Variants in RSRC1 observed in about 807,000 individuals in gnomAD.
RSRC1 encodes serine/Arginine-related protein 53.
A neutral mutation model predicts 49.1 loss-of-function variants in RSRC1; 39 were observed. The observed-to-expected ratio is 0.79, with a 90% CI of 0.61 to 1.04. The LOEUF is 1.04. Ranked by LOEUF, RSRC1 falls within the 50% of genes least tolerant of loss-of-function variation. The pLI is 0.00. For synonymous variants in RSRC1, 143 were observed against 130.8 expected, an observed-to-expected ratio of 1.09 and a Z score of -0.63; for missense variants, 388 against 402.4, an observed-to-expected ratio of 0.96 and a Z score of 0.31.
intron 4 of RSRC1, among the ~76,000 whole-genome samples, chr3:158,203,656 GAAAAGTAT>G (rs1457948455): frequency 1.3e-5 from 2 of 152,118 alleles, no homozygotes; most frequent in Non-Finnish European, 2.9e-5. Context: ...GCTGTTAGCG[GAAAAGTAT>G]AAAGTTGAAA....
intron 4 of RSRC1, among the ~76,000 whole-genome samples, chr3:158,244,771 G>C (rs1160659368): frequency 6.6e-6 from 1 of 152,094 alleles, no homozygotes; most frequent in Admixed American, 6.5e-5. Flanking sequence ...TTTTTGGAGT[G>C]GTAGGCTTTT....
chr3:158,534,068 TG>T (rs1301730998), intron 7 of RSRC1, among the ~76,000 whole-genome samples: 3 of 151,628 alleles, frequency 2.0e-5, no homozygotes, highest in African/African-American at 7.2e-5. Flanking sequence ...CTTCCAAAGG[TG>T]GGAGTATTGG....
chr3:158,522,514 G>T (rs1315867198), intron 7 of RSRC1, among the ~76,000 whole-genome samples: 1 of 152,110 alleles, frequency 6.6e-6, no homozygotes, highest in Admixed American at 6.6e-5. Context: ...TTTAGGGCTT[G>T]TCTTGATTAA....
intron 5 of RSRC1, among the ~76,000 whole-genome samples, chr3:158,354,000 T>TC (rs1198459337): frequency 3.6e-5 from 5 of 140,094 alleles, no homozygotes; most frequent in African/African-American, 5.3e-5. Flanking sequence ...TTTTTCTTTT[T>TC]TTTTTTTTTT....
intron 6 of RSRC1, among the ~76,000 whole-genome samples, chr3:158,385,683 A>C (rs1350870023): frequency 6.6e-6 from 1 of 152,132 alleles, no homozygotes; most frequent in Non-Finnish European, 1.5e-5. Context: ...TCATTTGCTC[A>C]TGTTTTCTTT....
chr3:158,486,284 G>T (rs187157995), intron 7 of RSRC1, among the ~76,000 whole-genome samples: 1 of 152,204 alleles, frequency 6.6e-6, no homozygotes, highest in East Asian at 1.9e-4. Flanking sequence ...ACAGTTAATG[G>T]TTGTTCAAAG....
intron 5 of RSRC1, among the ~76,000 whole-genome samples, chr3:158,317,254 G>A: frequency 6.6e-6 from 1 of 152,066 alleles, no homozygotes; most frequent in South Asian, 2.1e-4. Context: ...TTTGAGACAG[G>A]GTCTTACTCT....
chr3:158,234,371 T>C (rs921357660), intron 4 of RSRC1, among the ~76,000 whole-genome samples: 1 of 152,176 alleles, frequency 6.6e-6, no homozygotes, highest in African/African-American at 2.4e-5. Flanking sequence ...GCAATGATTA[T>C]GTAAATTTTG....
chr3:158,156,733 G>A (rs139446883), intron 3 of RSRC1, among the ~76,000 whole-genome samples: 48 of 152,300 alleles, frequency 3.2e-4, no homozygotes, highest in African/African-American at 1.1e-3. Context: ...GGTTGGGGGA[G>A]CACTCAGAAC....
chr3:158,179,068 G>A (rs927946887), intron 3 of RSRC1, among the ~76,000 whole-genome samples: 37 of 152,082 alleles, frequency 2.4e-4, no homozygotes, highest in Admixed American at 6.6e-4. Context: ...TTTTCTAAGT[G>A]TACTATCTGC....
intron 7 of RSRC1, among the ~76,000 whole-genome samples, chr3:158,536,858 A>G (rs568594515): frequency 6.6e-6 from 1 of 151,716 alleles, no homozygotes; most frequent in East Asian, 1.9e-4. Context: ...CCACCAGATT[A>G]GCTGAGATCA....
At chr3:158,263,277 A>G (rs1207230264) in intron 4 of RSRC1, among the ~76,000 whole-genome samples, 1 of 152,136 alleles carries the variant, frequency 6.6e-6, no homozygotes, top group Non-Finnish European at 1.5e-5. Flanking sequence ...TGACTACTGA[A>G]ACGATTATAC....
At chr3:158,213,965 G>A (rs983733795) in intron 4 of RSRC1, among the ~76,000 whole-genome samples, 1 of 151,766 alleles carries the variant, frequency 6.6e-6, no homozygotes, top group Admixed American at 6.6e-5. Flanking sequence ...ATACCCGCAG[G>A]TTCCACATCC....
intron 6 of RSRC1, among the ~76,000 whole-genome samples, chr3:158,408,348 T>G (rs1239144864): frequency 6.6e-6 from 1 of 152,200 alleles, no homozygotes; most frequent in Non-Finnish European, 1.5e-5. Flanking sequence ...ACTGCTAAAT[T>G]TAGTCAACAC....
intron 4 of RSRC1, among the ~76,000 whole-genome samples, chr3:158,271,794 A>C (rs1328016168): frequency 6.6e-6 from 1 of 152,146 alleles, no homozygotes; most frequent in Non-Finnish European, 1.5e-5. Flanking sequence ...TGTACAAGTC[A>C]TTATGAACAC....
At chr3:158,142,728 G>A (rs1449170193) in intron 3 of RSRC1, among the ~76,000 whole-genome samples, 1 of 152,050 alleles carries the variant, frequency 6.6e-6, no homozygotes, top group African/African-American at 2.4e-5. Context: ...TGCCGTTCAT[G>A]CCGTTCATGA....
At chr3:158,338,828 C>G (rs1730061657) in intron 5 of RSRC1, among the ~76,000 whole-genome samples, 1 of 152,144 alleles carries the variant, frequency 6.6e-6, no homozygotes, top group South Asian at 2.1e-4. Context: ...AGCTCTGCCA[C>G]CTTGTCAGCT....
intron 4 of RSRC1, among the ~76,000 whole-genome samples, chr3:158,269,839 A>G (rs1384499651): frequency 6.6e-6 from 1 of 152,158 alleles, no homozygotes; most frequent in Non-Finnish European, 1.5e-5. Flanking sequence ...TTAAGGAGTT[A>G]TTCCCTTATT....
intron 7 of RSRC1, among the ~76,000 whole-genome samples, chr3:158,497,476 G>A (rs933034530): frequency 2.8e-5 from 4 of 141,424 alleles, no homozygotes; most frequent in South Asian, 2.3e-4. Flanking sequence ...TCATTCAGCC[G>A]CCCAGGTTGG....
Sources: allele counts gnomAD v4.1 joint callset (sites outside exome capture counted in the v4.1 genomes callset), GRCh38; gene constraint gnomAD v4.1.1; transcripts MANE v1.5; gene names NCBI Gene and HGNC (gene_info 2026-07-23, HGNC 2026-07-21).